Variants in YTHDC2 observed in about 807,000 individuals in gnomAD.
YTHDC2 encodes the protein YTH N6-methyladenosine RNA binding protein C2.
YTHDC2 carries 45 observed loss-of-function variants against 174.9 expected under a neutral mutation model. The ratio of observed to expected loss-of-function variants is 0.26; its 90% CI spans 0.20 to 0.33. YTHDC2 has a LOEUF of 0.33. Among genes scored for constraint, YTHDC2 ranks in the 10% least tolerant of loss-of-function variants. The pLI is 1.00. For synonymous variants in YTHDC2, 657 were observed against 574.5 expected (o/e 1.14, Z -2.05); for missense variants, 1,650 against 1,723.7 (o/e 0.96, Z 0.76).
chr5:113,570,116 A>G (rs903590792), intron 23 of YTHDC2, among the ~76,000 whole-genome samples: 3 of 151,684 alleles, frequency 2.0e-5, no homozygotes, highest in African/African-American at 7.3e-5. Flanking sequence ...CATTTTTTTG[A>G]GATGGAGTCT....
At chr5:113,561,806 A>G (rs952337654) in intron 18 of YTHDC2, among the ~76,000 whole-genome samples, 2 of 152,006 alleles carry the variant, frequency 1.3e-5, no homozygotes, top group Non-Finnish European at 1.5e-5. Flanking sequence ...TTTCAACTAT[A>G]TAGTGTTCAC....
At chr5:113,517,514 T>G (rs1773520131) in intron 2 of YTHDC2, 1 of 455,514 alleles carries the variant, frequency 2.2e-6, no homozygotes, top group African/African-American at 2.0e-5. Flanking sequence ...GAAGGAGAAT[T>G]CAAGAAGGAA....
Position 113,576,650 on chromosome 5 carries a change from A to G in YTHDC2, c.3245-2936A>G, listed in dbSNP as rs1778068002. Among the ~76,000 whole-genome samples, 3 of 152,176 alleles carry G rather than the reference A, an allele frequency of 2.0e-5. No homozygotes were observed. In the South Asian group the frequency reaches 6.2e-4, roughly 32 times the overall value. ...TTCATTTGCTCTTTTTATTTCTGTC[A>G]AAAAGAAATAACTCTCCATGCATTT... is the stretch of plus-strand genomic sequence containing the variant. On this transcript the variant is annotated intron_variant, in intron 23 of 29. Transcript: ENST00000161863.
intron 28 of YTHDC2, chr5:113,592,605 C>A (rs2112831442): frequency 6.6e-6 from 1 of 152,556 alleles, no homozygotes; most frequent in South Asian, 2.1e-4. Flanking sequence ...ATTATTAGTC[C>A]AATTTTATAT....
chr5:113,535,971 A>G (rs555834074), intron 7 of YTHDC2, among the ~76,000 whole-genome samples, 173 bp downstream of exon 7: 2 of 152,314 alleles, frequency 1.3e-5, no homozygotes, highest in Middle Eastern at 3.4e-3. Flanking sequence ...CTTTTCTATC[A>G]ACAGCTCTTT....
chr5:113,595,237 T>C lies in YTHDC2; in HGVS notation c.*1763T>C, dbSNP rs1050012110. On this transcript the variant is annotated 3_prime_UTR_variant, in exon 30 of 30. Coordinates refer to ENST00000161863, the MANE Select transcript of YTHDC2 (RefSeq NM_022828.5). ...TGAATGTAATTAAAGTGCTGTTTTT[T>C]GGAAGCGATAAACTTTAAATATACT... 3.8e-4 allele frequency: 58 copies of C among 152,158 alleles called. No individual in the cohort carries two copies. Among genetic ancestry groups the C allele is most frequent in the Non-Finnish European group, 8.1e-4 (55 of 67,996 alleles). The allele number at this position is 152,158 out of a possible 1,614,324, so 9.4% of individuals were successfully genotyped here. A position where few individuals can be genotyped will look rare whatever the true frequency, so the allele number is the denominator to read the frequency against.
intron 25 of YTHDC2, chr5:113,584,086 T>G (rs1156881671): frequency 2.8e-6 from 1 of 363,052 alleles, no homozygotes; most frequent in African/African-American, 2.1e-5. Context: ...CGAGGCTTGC[T>G]CAGGATCTCA....
chr5:113,517,006 T>G (rs1359581900), intron 2 of YTHDC2, among the ~76,000 whole-genome samples: 1 of 152,168 alleles, frequency 6.6e-6, no homozygotes, highest in African/African-American at 2.4e-5. Flanking sequence ...AAAAATATAG[T>G]TCAGTGCCAC....
intron 23 of YTHDC2, among the ~76,000 whole-genome samples, chr5:113,572,591 T>C (rs1318015630): frequency 6.6e-6 from 1 of 152,230 alleles, no homozygotes; most frequent in Non-Finnish European, 1.5e-5. Context: ...TATTATTGTA[T>C]GGGAGTCTAA....
In YTHDC2 at chr5:113,534,354, C is replaced by G. The variant is rs760445164; in HGVS notation, c.892C>G (p.Arg298Gly). Residue 298 changes from arginine (R) to glycine (G), a missense_variant, in exon 6 of 30, where the codon CGT becomes GGT. Physicochemically the swap from Arg to Gly is moderately radical, Grantham distance 125. Coordinates refer to ENST00000161863, the MANE Select transcript of YTHDC2 (RefSeq NM_022828.5). ...ATTTTGTACTAATGGGGTATTGCTTCGTACATTGATGGCAGGAGATAGTAC... is the reference window on the plus strand; with the variant it reads ...ATTTTGTACTAATGGGGTATTGCTTGGTACATTGATGGCAGGAGATAGTAC... Reference protein sequence around the residue: ...LTFCTNGVLLRTLMAGDSTLS... With the variant: ...LTFCTNGVLLGTLMAGDSTLS... 4 of 1,612,432 alleles carry G rather than the reference C, an allele frequency of 2.5e-6. No homozygotes were observed. Among genetic ancestry groups the G allele is most frequent in the Non-Finnish European group, 3.4e-6 (4 of 1,179,060 alleles).
At chr5:113,585,700 C>T (rs971062513) in intron 26 of YTHDC2, among the ~76,000 whole-genome samples, 1 of 151,236 alleles carries the variant, frequency 6.6e-6, no homozygotes, top group South Asian at 2.1e-4. Context: ...CGTTTTGTGT[C>T]TGGCTTATTT....
rs111972891 is a variant in YTHDC2 at position 113,556,124 on chromosome 5, C to T, written c.2206C>T (p.Arg736Trp). The change falls in exon 17 of 30, where the codon CGG becomes TGG. Residue 736 changes from arginine to tryptophan, a missense_variant. By Grantham distance (101) the Arg-to-Trp change is moderately radical. Around this residue, in one of 5 missense-constraint regions of YTHDC2, gnomAD observed 913 missense variants for 940.4 expected, o/e 0.97. Coordinates refer to ENST00000161863, the MANE Select transcript of YTHDC2 (RefSeq NM_022828.5). ...GATTTCCAAAGCTAGTGCCATACAG[C>T]GGAAAGGCAGGTAATGTATATTTAA... ...VWISKASAIQ[R>W]KGRAGRCRPG... is the part of the protein sequence containing the mutation. 1 of 1,602,030 alleles carries T rather than the reference C, an allele frequency of 6.2e-7. No individual in the cohort carries two copies.
intron 22 of YTHDC2, 21 bp from the exon 23 acceptor site, chr5:113,567,633 T>C: frequency 6.4e-7 from 1 of 1,551,996 alleles, no homozygotes; most frequent in Non-Finnish European, 8.7e-7. Flanking sequence ...TAACAATTTT[T>C]AAAATTTATT....
chr5:113,528,107 A>G (rs1459461897), intron 4 of YTHDC2, among the ~76,000 whole-genome samples: 1 of 152,228 alleles, frequency 6.6e-6, no homozygotes, highest in Non-Finnish European at 1.5e-5. Context: ...AATAGAGATT[A>G]TGGAAGTTTC....
chr5:113,526,397 A>T (rs1260200866), intron 3 of YTHDC2, among the ~76,000 whole-genome samples, 189 bp from the exon 4 acceptor site: 2 of 152,144 alleles, frequency 1.3e-5, no homozygotes, highest in Non-Finnish European at 2.9e-5. Context: ...TATGTGTAAG[A>T]GTACAATTGA....
intron 7 of YTHDC2, 23 bp downstream of exon 7, chr5:113,535,821 T>G (rs1358145344): frequency 6.5e-7 from 1 of 1,532,986 alleles, no homozygotes; most frequent in Non-Finnish European, 8.8e-7. Context: ...GTCAGATTTC[T>G]TCTATAATTT....
At chr5:113,578,330 G>C (rs1580632590) in intron 23 of YTHDC2, among the ~76,000 whole-genome samples, 1 of 151,894 alleles carries the variant, frequency 6.6e-6, no homozygotes, top group South Asian at 2.1e-4. Context: ...TGAGTAGCTG[G>C]GACTATAGGC....
chr5:113,565,742 T>C, intron 20 of YTHDC2, 151 bp from the exon 21 acceptor site: 1 of 700,648 alleles, frequency 1.4e-6, no homozygotes, highest in South Asian at 4.3e-5. Flanking sequence ...ATGATAAATA[T>C]TATTTGATCA....
intron 26 of YTHDC2, among the ~76,000 whole-genome samples, chr5:113,585,593 C>T (rs1009110386): frequency 6.6e-6 from 1 of 151,882 alleles, no homozygotes; most frequent in African/African-American, 2.4e-5. Flanking sequence ...TACACATTTC[C>T]ATCACCCCTA....
Sources: gnomAD v4.1 joint callset for allele counts (sites outside exome capture counted in the v4.1 genomes callset) on GRCh38, gnomAD v4.1.1 for gene constraint, gnomAD v4.1.1 regional missense constraint, MANE v1.5 for transcripts, NCBI Gene and HGNC (gene_info 2026-07-23, HGNC 2026-07-21) for gene names.